The following DMXL2 variants were observed in gnomAD, a reference collection of about 807,000 sequenced individuals.
DMXL2 encodes the protein dmX-like protein 2.
Under a neutral mutation model 331.1 loss-of-function variants are expected in DMXL2, and 103 were observed. The ratio of observed to expected loss-of-function variants is 0.31; its 90% CI spans 0.27 to 0.37. DMXL2 has a LOEUF of 0.37. DMXL2 is among the 10% of genes least tolerant of loss of function. The pLI is 1.00. For synonymous variants in DMXL2, 1,281 were observed against 1,252.1 expected, an observed-to-expected ratio of 1.02 and a Z score of -0.49; for missense variants, 3,171 against 3,642.9, an observed-to-expected ratio of 0.87 and a Z score of 3.33.
intron 13 of DMXL2, among the ~76,000 whole-genome samples, chr15:51,526,195 G>A (rs941033484): frequency 4.0e-5 from 6 of 150,252 alleles, no homozygotes; most frequent in African/African-American, 1.2e-4. Flanking sequence ...GGGGGAGAGA[G>A]AGAGGGAGAG....
chr15:51,480,934 A>G lies in DMXL2; in HGVS notation c.6172T>C (p.Leu2058=), dbSNP rs202223318. The G allele has an allele frequency of 2.2e-4, 352 of 1,613,490 alleles. 3 individuals are homozygous for G. The East Asian group carries it at 7.7e-3, about 35-fold the overall frequency. ...CCATCTACTTCATAACCTGTAGCCA[A>G]TGTTCTTAATTCAGTCATAAGGATC... ...LKILMTELRT[L]ATGYEVDGGK... Residue 2058 remains leucine (L), a synonymous_variant, in exon 24 of 44, where the codon TTG becomes CTG. Transcript: ENST00000560891.
At chr15:51,455,076 T>C in intron 40 of DMXL2, 75 bp downstream of exon 40, 2 of 1,202,698 alleles carry the variant, frequency 1.7e-6, no homozygotes, top group Non-Finnish European at 2.5e-6. Flanking sequence ...ACCAATGAGA[T>C]TCACTGTCTG....
intron 1 of DMXL2, among the ~76,000 whole-genome samples, chr15:51,592,691 C>A (rs2052475933): frequency 6.6e-6 from 1 of 152,212 alleles, no homozygotes; most frequent in South Asian, 2.1e-4. Flanking sequence ...CAAATGGAAG[C>A]CCATCAGACT....
rs558198595 is a variant in DMXL2, at chr15:51,614,592, G to A, written c.87+7867C>T. Among the ~76,000 whole-genome samples, 9 of 152,226 alleles carry A rather than the reference G, an allele frequency of 5.9e-5. No homozygotes were observed. The South Asian group carries it at 1.9e-3, about 32-fold the overall frequency. On this transcript the variant is annotated intron_variant, in intron 1 of 43. Transcript: ENST00000560891. ...TTGATTTTTCTAAATATGACTTAAT[G>A]CCACTGACCTATACCAAGAAGTATT...
At chr15:51,570,874 C>T (rs1289888045) in intron 2 of DMXL2, among the ~76,000 whole-genome samples, 1 of 152,142 alleles carries the variant, frequency 6.6e-6, no homozygotes, top group Non-Finnish European at 1.5e-5. Flanking sequence ...GAAACTGCAT[C>T]AATTAACAGG....
Position 51,535,643 on chromosome 15 carries a change from A to G in DMXL2, c.2436+20T>C. On this transcript the variant is annotated intron_variant, in intron 13 of 43. Coordinates refer to ENST00000560891, the MANE Select transcript of DMXL2 (RefSeq NM_001378457.1). ...TCTTTATCTCCTTAGATAAATTAATAAAGATTATTAAATACTTACTGAAGA... is the reference window on the plus strand; with the variant it reads ...TCTTTATCTCCTTAGATAAATTAATGAAGATTATTAAATACTTACTGAAGA... The G allele has an allele frequency of 6.4e-7, 1 of 1,569,396 alleles. No homozygotes were observed. The highest frequency in any genetic ancestry group is 8.6e-7 in the Non-Finnish European group (1 of 1,161,546).
chr15:51,581,918 T>G (rs2051450707), intron 1 of DMXL2, among the ~76,000 whole-genome samples: 1 of 151,938 alleles, frequency 6.6e-6, no homozygotes, highest in African/African-American at 2.4e-5. Context: ...TAAATCAAGG[T>G]GTACTAAGCA....
chr15:51,474,176 CTA>C (rs1314583580), intron 28 of DMXL2, among the ~76,000 whole-genome samples, 166 bp downstream of exon 28: 1 of 151,990 alleles, frequency 6.6e-6, no homozygotes, highest in Non-Finnish European at 1.5e-5. Context: ...AAGTAACAAA[CTA>C]TATGTTTATT....
intron 31 of DMXL2, among the ~76,000 whole-genome samples, chr15:51,465,281 G>T (rs1191526748): frequency 6.6e-6 from 1 of 152,152 alleles, no homozygotes; most frequent in East Asian, 1.9e-4. Context: ...TATAGTCCCA[G>T]CTACTCAGGA....
chr15:51,598,085 T>C (rs7177720), intron 1 of DMXL2, among the ~76,000 whole-genome samples: 72,896 of 152,018 alleles, frequency 0.48, 17,839 homozygotes, highest in Non-Finnish European at 0.52. Context: ...TCACTTTTAA[T>C]GCTATCTTTG....
At chr15:51,461,558 T>G (rs2040126960) in intron 33 of DMXL2, among the ~76,000 whole-genome samples, 1 of 152,168 alleles carries the variant, frequency 6.6e-6, no homozygotes, top group Admixed American at 6.5e-5. Flanking sequence ...ACCAGAAATC[T>G]TATTGATTAA....
intron 16 of DMXL2, 127 bp downstream of exon 16, chr15:51,507,007 A>C (rs181808620): frequency 6.8e-4 from 490 of 717,568 alleles, no homozygotes; most frequent in Non-Finnish European, 8.9e-4. Context: ...AGTTTAGAAG[A>C]GACATAATTC....
chr15:51,518,420 T>C (rs1819769255), intron 13 of DMXL2, among the ~76,000 whole-genome samples: 2 of 152,100 alleles, frequency 1.3e-5, no homozygotes, highest in Admixed American at 6.5e-5. Flanking sequence ...GTTGGTGAGG[T>C]GAAAACAGTG....
chr15:51,555,337 T>C (rs2049492613), intron 6 of DMXL2, among the ~76,000 whole-genome samples: 1 of 152,122 alleles, frequency 6.6e-6, no homozygotes, highest in Non-Finnish European at 1.5e-5. Context: ...TGTGGATATA[T>C]TCTAAAGGTG....
At chr15:51,543,294 C>T (rs892312889) in intron 8 of DMXL2, among the ~76,000 whole-genome samples, 1 of 152,240 alleles carries the variant, frequency 6.6e-6, no homozygotes, top group South Asian at 2.1e-4. Context: ...TTCCTTTGTT[C>T]CCCACATTCA....
chr15:51,566,345 AT>A (rs1031683573), intron 3 of DMXL2, among the ~76,000 whole-genome samples: 4 of 152,020 alleles, frequency 2.6e-5, no homozygotes, highest in Admixed American at 2.0e-4. Flanking sequence ...AGAAAATGCT[AT>A]TTTTAAACCC....
At chr15:51,470,336 G>T (rs886991941) in intron 29 of DMXL2, among the ~76,000 whole-genome samples, 1 of 152,030 alleles carries the variant, frequency 6.6e-6, no homozygotes, top group Non-Finnish European at 1.5e-5. Context: ...GGTCTATGTT[G>T]TCCAGGCTGG....
At chr15:51,531,421 T>G (rs1689198079) in intron 13 of DMXL2, among the ~76,000 whole-genome samples, 1 of 152,192 alleles carries the variant, frequency 6.6e-6, no homozygotes, top group South Asian at 2.1e-4. Context: ...CCTCAAACTA[T>G]GAAACTACTA....
chr15:51,593,895 C>T (rs12910068), intron 1 of DMXL2, among the ~76,000 whole-genome samples: 4 of 152,188 alleles, frequency 2.6e-5, no homozygotes, highest in African/African-American at 9.7e-5. Context: ...ATACCAGAAT[C>T]TCTGGGACAC....
Sources: gnomAD v4.1 joint callset for allele counts (sites outside exome capture counted in the v4.1 genomes callset) on GRCh38, gnomAD v4.1.1 for gene constraint, MANE v1.5 for transcripts, NCBI Gene and HGNC (gene_info 2026-07-23, HGNC 2026-07-21) for gene names.